Variants in ATXN1 observed in about 807,000 individuals in gnomAD.
ATXN1 encodes the protein ataxin-1.
A neutral mutation model predicts 56.4 loss-of-function variants in ATXN1; 8 were observed. The observed-to-expected ratio is 0.14, with a 90% confidence interval of 0.08 to 0.26. The LOEUF is 0.26. ATXN1 is among the 10% of genes least tolerant of loss of function. The pLI, the probability that ATXN1 is intolerant of heterozygous loss-of-function variation, is 1.00. For synonymous variants in ATXN1, 514 were observed against 494.6 expected, an observed-to-expected ratio of 1.04 and a Z score of -0.52; for missense variants, 987 against 1,106.5, an observed-to-expected ratio of 0.89 and a Z score of 1.53.
chr6:16,463,415 G>A lies in ATXN1; in HGVS notation c.-161+22557C>T, dbSNP rs536901329. 3.9e-5 allele frequency among the ~76,000 whole-genome samples: 6 copies of A among 152,234 alleles called. No individual in the cohort carries two copies. The East Asian group carries it at 5.8e-4, about 15-fold the overall frequency. Reference sequence around the variant, plus strand: ...ATACAACTAATACCCCTACTTATACGGTTAAGAATAGCCACTGCTACAGGA... The same window carrying A: ...ATACAACTAATACCCCTACTTATACAGTTAAGAATAGCCACTGCTACAGGA... On this transcript the variant is annotated intron_variant, in intron 6 of 7. Transcript: ENST00000436367.
chr6:16,722,503 C>CA (rs1409557119), intron 2 of ATXN1, among the ~76,000 whole-genome samples: 1 of 152,174 alleles, frequency 6.6e-6, no homozygotes, highest in African/African-American at 2.4e-5. Flanking sequence ...TATCTCCCCC[C>CA]ACCTGCCCCA....
chr6:16,661,464 T>C (rs574210051), intron 2 of ATXN1, among the ~76,000 whole-genome samples: 26 of 152,340 alleles, frequency 1.7e-4, no homozygotes, highest in African/African-American at 6.3e-4. Flanking sequence ...TTTGGTCTGA[T>C]TGTCAGGAAT....
intron 2 of ATXN1, among the ~76,000 whole-genome samples, chr6:16,700,602 G>A (rs3812207): frequency 0.34 from 51,390 of 151,834 alleles, 8,939 homozygotes; most frequent in Non-Finnish European, 0.38. Context: ...TTCCTGCCGC[G>A]GTTGCCATGG....
chr6:16,601,964 C>T (rs1346247729), intron 3 of ATXN1, among the ~76,000 whole-genome samples: 1 of 152,090 alleles, frequency 6.6e-6, no homozygotes, highest in Non-Finnish European at 1.5e-5. Context: ...AGAAAATTCT[C>T]ACGTATTTTA....
intron 5 of ATXN1, among the ~76,000 whole-genome samples, chr6:16,504,740 G>A (rs1760949119): frequency 1.3e-5 from 2 of 152,074 alleles, no homozygotes; most frequent in Admixed American, 6.6e-5. Flanking sequence ...ACCTCTCCAC[G>A]GCGCTCAGCC....
At chr6:16,418,710 C>A (rs1348094569) in intron 6 of ATXN1, among the ~76,000 whole-genome samples, 1 of 95,926 alleles carries the variant, frequency 1.0e-5, no homozygotes, top group East Asian at 4.0e-4. Flanking sequence ...CCTCCCCCCT[C>A]CCCCCTCCCC....
chr6:16,537,353 G>A (rs548000106), intron 4 of ATXN1, among the ~76,000 whole-genome samples: 85 of 152,264 alleles, frequency 5.6e-4, no homozygotes, highest in Non-Finnish European at 1.1e-3. Flanking sequence ...CCGACAGGGA[G>A]AGCCAACTCT....
intron 6 of ATXN1, among the ~76,000 whole-genome samples, chr6:16,441,341 T>G (rs1759513316): frequency 1.3e-5 from 2 of 151,960 alleles, no homozygotes; most frequent in African/African-American, 4.8e-5. Context: ...TTTTATTCCA[T>G]GGAAACAACA....
intron 2 of ATXN1, chr6:16,738,719 CT>C (rs1208371099): frequency 6.6e-6 from 1 of 152,166 alleles, no homozygotes; most frequent in Non-Finnish European, 1.5e-5. Context: ...AGAAATGTTT[CT>C]ATTTGTTGTA....
intron 2 of ATXN1, chr6:16,739,469 C>T: frequency 4.4e-6 from 1 of 228,464 alleles, no homozygotes; most frequent in Non-Finnish European, 9.3e-6. Flanking sequence ...CCAGGTCATC[C>T]CAGGACTATG....
chr6:16,484,214 C>T (rs73366771), intron 6 of ATXN1, among the ~76,000 whole-genome samples: 2,038 of 152,244 alleles, frequency 0.013, 40 homozygotes, highest in African/African-American at 0.046. Context: ...GGGAGGATCA[C>T]TTGAGCTCAG....
chr6:16,473,909 T>C (rs1171328812), intron 6 of ATXN1, among the ~76,000 whole-genome samples: 1 of 152,216 alleles, frequency 6.6e-6, no homozygotes, highest in Non-Finnish European at 1.5e-5. Context: ...CTGAATTGTC[T>C]AGGCTAACGA....
chr6:16,480,066 C>T lies in ATXN1; in HGVS notation c.-161+5906G>A, dbSNP rs187691302. ...ACTTGGGAGGCTGAGGCAGGAGAAT[C>T]GCTTGAACCCAGAAGGTGGAGGTTG... On this transcript the variant is annotated intron_variant, in intron 6 of 7. Transcript: ENST00000436367. Among the ~76,000 whole-genome samples the T allele has an allele frequency of 9.4e-5, 14 of 148,454 alleles. No individual in the cohort carries two copies. In the East Asian group the frequency reaches 2.3e-3, roughly 25 times the overall value.
intron 3 of ATXN1, among the ~76,000 whole-genome samples, chr6:16,607,879 G>A (rs547693497): frequency 1.3e-5 from 2 of 152,266 alleles, no homozygotes; most frequent in Admixed American, 6.5e-5. Flanking sequence ...GGAAAAAGAC[G>A]TGCTTGGTCT....
At chr6:16,430,713 G>A (rs981943465) in intron 6 of ATXN1, among the ~76,000 whole-genome samples, 1 of 148,872 alleles carries the variant, frequency 6.7e-6, no homozygotes, top group Non-Finnish European at 1.5e-5. Flanking sequence ...GCTGGTGTGT[G>A]TGTGTGTGTG....
intron 3 of ATXN1, among the ~76,000 whole-genome samples, chr6:16,613,030 C>G (rs1213263670): frequency 2.2e-4 from 34 of 151,578 alleles, no homozygotes; most frequent in African/African-American, 8.2e-4. Flanking sequence ...CTTTGGGAGG[C>G]CGAGGCGGGT....
At chr6:16,738,543 T>C (rs903274622) in intron 2 of ATXN1, 16 of 152,222 alleles carry the variant, frequency 1.1e-4, no homozygotes, top group African/African-American at 3.9e-4. Flanking sequence ...AGGTGAAGTA[T>C]GTGTATGGGT....
intron 5 of ATXN1, among the ~76,000 whole-genome samples, chr6:16,494,674 T>C (rs1430169141): frequency 1.3e-5 from 2 of 152,196 alleles, no homozygotes; most frequent in African/African-American, 4.8e-5. Context: ...GAGAAAAGTA[T>C]GTCTGCATAT....
intron 6 of ATXN1, among the ~76,000 whole-genome samples, chr6:16,424,172 G>C (rs1759094001): frequency 6.6e-6 from 1 of 152,136 alleles, no homozygotes. Flanking sequence ...GAGCGGCCTG[G>C]ATCTGCCTTC....
Sources: gnomAD v4.1 joint callset for allele counts (sites outside exome capture counted in the v4.1 genomes callset) on GRCh38, gnomAD v4.1.1 for gene constraint, MANE v1.5 for transcripts, NCBI Gene and HGNC (gene_info 2026-07-23, HGNC 2026-07-21) for gene names.